CSMD1: variants seen among roughly 807,000 people sequenced by gnomAD.
The protein encoded by CSMD1 is CUB and Sushi multiple domains 1, also known as CUB and sushi domain-containing protein 1.
Under a neutral mutation model 417.5 loss-of-function variants are expected in CSMD1, and 213 were observed. The observed-to-expected ratio is 0.51, with a 90% confidence interval of 0.46 to 0.57. CSMD1 has a LOEUF of 0.57. Ranked by LOEUF, CSMD1 falls within the 20% of genes least tolerant of loss-of-function variation. The pLI, the probability that CSMD1 is intolerant of heterozygous loss-of-function variation, is 0.00. For synonymous variants in CSMD1, 2,862 were observed against 1,736.8 expected (o/e 1.65, Z -16.11); for missense variants, 6,923 against 4,529.7 (o/e 1.53, Z -15.17).
In CSMD1 at chr8:3,154,810, T is replaced by G. The variant is rs1395245947; in HGVS notation, c.5914+3087A>C. 5.3e-5 allele frequency among the ~76,000 whole-genome samples: 8 copies of G among 152,202 alleles called. No homozygotes were observed. The East Asian group carries it at 1.5e-3, about 29-fold the overall frequency. On this transcript the variant is annotated intron_variant, in intron 39 of 69. Coordinates refer to ENST00000635120, the MANE Select transcript of CSMD1 (RefSeq NM_033225.6). The stretch of plus-strand genomic sequence containing the variant: ...TTATATACATTCTCTTCATTAGTAC[T>G]TTTATTTTTCAAAATTAGGTCATGG...
chr8:3,654,821 A>G lies in CSMD1; in HGVS notation c.1010-38024T>C, dbSNP rs369867542. Among the ~76,000 whole-genome samples the G allele has an allele frequency of 1.2e-3, 180 of 152,242 alleles. 5 individuals are homozygous for G. The South Asian group carries it at 0.037, about 31-fold the overall frequency. The stretch of plus-strand genomic sequence containing the variant: ...CTGCCTCAGGGCTACCATGGCGCCC[A>G]GGATCCATAGAACACATCACCTGCT... On this transcript the variant is annotated intron_variant, in intron 7 of 69. Coordinates refer to ENST00000635120, the MANE Select transcript of CSMD1 (RefSeq NM_033225.6).
chr8:4,729,817 G>T (rs544232854), intron 1 of CSMD1, among the ~76,000 whole-genome samples: 1 of 152,124 alleles, frequency 6.6e-6, no homozygotes, highest in African/African-American at 2.4e-5. Flanking sequence ...GTTTTCCATT[G>T]CAATCACAGT....
At chr8:4,554,832 G>C (rs183491598) in intron 2 of CSMD1, among the ~76,000 whole-genome samples, 1 of 152,292 alleles carries the variant, frequency 6.6e-6, no homozygotes, top group South Asian at 2.1e-4. Context: ...TTCTGAGTAA[G>C]CATTGATGGG....
chr8:4,517,369 G>C (rs1378845511), intron 2 of CSMD1, among the ~76,000 whole-genome samples: 1 of 152,156 alleles, frequency 6.6e-6, no homozygotes, highest in Non-Finnish European at 1.5e-5. Flanking sequence ...GCAGTCATAG[G>C]TTAAACAGCT....
chr8:3,444,102 C>T (rs998541164), intron 12 of CSMD1, among the ~76,000 whole-genome samples: 1 of 152,108 alleles, frequency 6.6e-6, no homozygotes, highest in Non-Finnish European at 1.5e-5. Context: ...CACTCACTCC[C>T]TATCGAGTGA....
intron 57 of CSMD1, among the ~76,000 whole-genome samples, chr8:2,971,296 C>G (rs138775745): frequency 6.6e-6 from 1 of 152,246 alleles, no homozygotes; most frequent in African/African-American, 2.4e-5. Flanking sequence ...TCTCATAACT[C>G]TCTTTTGCTC....
chr8:3,643,680 G>A (rs1230287215), intron 7 of CSMD1, among the ~76,000 whole-genome samples: 6 of 130,610 alleles, frequency 4.6e-5, no homozygotes, highest in South Asian at 2.5e-4. Context: ...CAGCCTGGGC[G>A]ACAGCGTGAG....
At chr8:4,289,119 TGAA>T (rs1338306957) in intron 3 of CSMD1, among the ~76,000 whole-genome samples, 2 of 152,292 alleles carry the variant, frequency 1.3e-5, no homozygotes, top group Middle Eastern at 3.4e-3. Flanking sequence ...TTTTACAAAA[TGAA>T]TTAACTAGTT....
At chr8:4,937,695 G>T (rs1210643110) in intron 1 of CSMD1, among the ~76,000 whole-genome samples, 1 of 151,972 alleles carries the variant, frequency 6.6e-6, no homozygotes, top group Non-Finnish European at 1.5e-5. Flanking sequence ...GTTTCTTTAG[G>T]GGTATGAACG....
At chr8:4,339,950 A>T (rs1005834610) in intron 3 of CSMD1, among the ~76,000 whole-genome samples, 6 of 152,064 alleles carry the variant, frequency 3.9e-5, no homozygotes, top group East Asian at 1.9e-4. Flanking sequence ...ACTTGAGTTC[A>T]TAAGTTGGAG....
intron 26 of CSMD1, among the ~76,000 whole-genome samples, chr8:3,272,417 C>G (rs147319673): frequency 0.22 from 31,421 of 145,292 alleles, 3,794 homozygotes; most frequent in East Asian, 0.3. Flanking sequence ...AATGTGGGCT[C>G]CTTTTTGGTT....
intron 1 of CSMD1, among the ~76,000 whole-genome samples, chr8:4,728,468 C>T (rs1563234356): frequency 6.6e-6 from 1 of 152,018 alleles, no homozygotes; most frequent in Non-Finnish European, 1.5e-5. Flanking sequence ...GTATATTGCA[C>T]AGCAGAGTGC....
intron 1 of CSMD1, among the ~76,000 whole-genome samples, chr8:4,704,909 T>C (rs978209128): frequency 6.6e-6 from 1 of 152,182 alleles, no homozygotes; most frequent in African/African-American, 2.4e-5. Context: ...AATTTTGTTT[T>C]AATAAAGTCT....
chr8:3,388,877 T>G (rs1259991219), intron 17 of CSMD1, among the ~76,000 whole-genome samples: 1 of 145,728 alleles, frequency 6.9e-6, no homozygotes, highest in Non-Finnish European at 1.5e-5. Context: ...TCTCTCTACA[T>G]ACACACCACA....
intron 1 of CSMD1, among the ~76,000 whole-genome samples, chr8:4,737,082 C>A (rs1810292077): frequency 6.6e-6 from 1 of 152,142 alleles, no homozygotes; most frequent in African/African-American, 2.4e-5. Flanking sequence ...ATGTAATCAA[C>A]CTACATGCCC....
At chr8:3,667,321 G>A (rs569070115) in intron 7 of CSMD1, among the ~76,000 whole-genome samples, 3 of 152,136 alleles carry the variant, frequency 2.0e-5, no homozygotes, top group Non-Finnish European at 4.4e-5. Flanking sequence ...AAAAGAGAGT[G>A]AAGGGGTGGC....
intron 3 of CSMD1, among the ~76,000 whole-genome samples, chr8:4,174,033 C>T (rs1797907098): frequency 6.6e-6 from 1 of 152,152 alleles, no homozygotes; most frequent in African/African-American, 2.4e-5. Context: ...AGGGAATGCC[C>T]TGAGTTCATT....
chr8:4,923,919 A>T (rs1384048460), intron 1 of CSMD1, among the ~76,000 whole-genome samples: 1 of 152,216 alleles, frequency 6.6e-6, no homozygotes. Flanking sequence ...TTTGGGTTCT[A>T]TGGAGGAAAG....
intron 7 of CSMD1, among the ~76,000 whole-genome samples, chr8:3,651,539 T>A (rs567542858): frequency 2.6e-5 from 4 of 152,154 alleles, no homozygotes; most frequent in East Asian, 3.9e-4. Flanking sequence ...TCCTCCAATG[T>A]CATGGTATTA....
Sources: gnomAD v4.1 joint callset for allele counts (sites outside exome capture counted in the v4.1 genomes callset) on GRCh38, gnomAD v4.1.1 for gene constraint, MANE v1.5 for transcripts, NCBI Gene and HGNC (gene_info 2026-07-23, HGNC 2026-07-21) for gene names.